The following TDRD3 variants were observed in gnomAD, a reference collection of about 807,000 sequenced individuals.
TDRD3 encodes the protein tudor domain-containing protein 3.
A neutral mutation model predicts 86.7 loss-of-function variants in TDRD3; 45 were observed. The observed-to-expected ratio is 0.52, with a 90% CI of 0.41 to 0.67. The LOEUF is 0.67. Among genes scored for constraint, TDRD3 ranks in the 30% least tolerant of loss-of-function variants. TDRD3 has a pLI of 0.00. For synonymous variants in TDRD3, 298 were observed against 301.7 expected, an observed-to-expected ratio of 0.99 and a Z score of 0.13; for missense variants, 814 against 889.0, an observed-to-expected ratio of 0.92 and a Z score of 1.07.
In TDRD3 at chr13:60,485,776, C is replaced by A. The variant is rs190031019; in HGVS notation, c.568-23C>A. 36 of 1,538,216 alleles carry A rather than the reference C, an allele frequency of 2.3e-5. No homozygotes were observed. In the African/African-American group the frequency reaches 4.9e-4, roughly 21 times the overall value. On this transcript the variant is annotated intron_variant, in intron 6 of 13. Coordinates refer to ENST00000377881, the MANE Select transcript of TDRD3 (RefSeq NM_001146070.2). ...ATCTCTTTTGGAACTACTAAGTTGA[C>A]TTATTCTTACTTGTTTTACTAGAAG...
At chr13:60,538,993 T>C (rs1431516588) in intron 12 of TDRD3, among the ~76,000 whole-genome samples, 1 of 152,204 alleles carries the variant, frequency 6.6e-6, no homozygotes, top group African/African-American at 2.4e-5. Flanking sequence ...CTTCTTGGTA[T>C]CAGGAAATGA....
At chr13:60,406,516 T>A (rs1954238424) in intron 1 of TDRD3, among the ~76,000 whole-genome samples, 1 of 152,242 alleles carries the variant, frequency 6.6e-6, no homozygotes, top group Non-Finnish European at 1.5e-5. Context: ...GTGGACATTA[T>A]ATTTGTTGGA....
chr13:60,505,747 A>G lies in TDRD3; in HGVS notation c.859-4016A>G, dbSNP rs767702433. Among the ~76,000 whole-genome samples the G allele has an allele frequency of 2.0e-5, 3 of 152,358 alleles. No individual in the cohort carries two copies. The South Asian group carries it at 6.2e-4, about 32-fold the overall frequency. ...CTTTGTGAAGCATACACAAGTATCA[A>G]TAGCCGAATTGATAAAGTGGAAGAA... On this transcript the variant is annotated intron_variant, in intron 8 of 13. Coordinates refer to ENST00000377881, the MANE Select transcript of TDRD3 (RefSeq NM_001146070.2).
intron 12 of TDRD3, 127 bp from the exon 13 acceptor site, chr13:60,567,398 A>T: frequency 8.3e-7 from 1 of 1,199,224 alleles, no homozygotes; most frequent in Non-Finnish European, 1.2e-6. Context: ...CTGTTGTAAA[A>T]GTTGACATGT....
intron 2 of TDRD3, among the ~76,000 whole-genome samples, chr13:60,442,365 G>T (rs1276091474): frequency 7.2e-6 from 1 of 139,480 alleles, no homozygotes; most frequent in African/African-American, 2.5e-5. Context: ...AGTAAATAGG[G>T]ATTTTATGTG....
chr13:60,411,632 A>G (rs1954372078), intron 1 of TDRD3, among the ~76,000 whole-genome samples: 1 of 152,196 alleles, frequency 6.6e-6, no homozygotes, highest in African/African-American at 2.4e-5. Flanking sequence ...ACAACCCAAA[A>G]TAGTTAGACA....
At chr13:60,481,059 A>G (rs1956302392) in intron 5 of TDRD3, among the ~76,000 whole-genome samples, 1 of 152,132 alleles carries the variant, frequency 6.6e-6, no homozygotes, top group South Asian at 2.1e-4. Flanking sequence ...GGTCACAGGC[A>G]AACAAATTCT....
At chr13:60,544,588 G>A (rs1957895819) in intron 12 of TDRD3, among the ~76,000 whole-genome samples, 1 of 152,040 alleles carries the variant, frequency 6.6e-6, no homozygotes, top group African/African-American at 2.4e-5. Flanking sequence ...CATTTATATT[G>A]CTCTTTTATT....
chr13:60,437,511 A>G (rs1273963341), intron 1 of TDRD3, among the ~76,000 whole-genome samples: 4 of 151,862 alleles, frequency 2.6e-5, no homozygotes, highest in Non-Finnish European at 5.9e-5. Context: ...CTAAATTTGT[A>G]TTTTTGGGGC....
At chr13:60,422,501 A>T (rs1416503307) in intron 1 of TDRD3, among the ~76,000 whole-genome samples, 6 of 152,220 alleles carry the variant, frequency 3.9e-5, no homozygotes, top group African/African-American at 1.4e-4. Context: ...CAACAGAATT[A>T]AATTTACTCC....
intron 5 of TDRD3, among the ~76,000 whole-genome samples, chr13:60,483,239 G>A (rs1475548118): frequency 6.6e-6 from 1 of 151,930 alleles, no homozygotes; most frequent in Admixed American, 6.6e-5. Context: ...GAATTGTTTT[G>A]CAAAACAAAA....
chr13:60,528,074 A>G lies in TDRD3; in HGVS notation c.1142-293A>G, dbSNP rs567428023. 3.3e-5 allele frequency among the ~76,000 whole-genome samples: 5 copies of G among 152,316 alleles called. No homozygotes were observed. In the East Asian group the frequency reaches 7.7e-4, roughly 23 times the overall value. On this transcript the variant is annotated intron_variant, in intron 10 of 13. Transcript: ENST00000377881. ...TCATTAATGTTTTAGGAAATGATTT[A>G]CCAGAATAGCATATGTAGGTAGCTG...
intron 10 of TDRD3, among the ~76,000 whole-genome samples, chr13:60,519,948 T>C (rs1190338649): frequency 6.6e-6 from 1 of 152,216 alleles, no homozygotes; most frequent in East Asian, 1.9e-4. Context: ...AGTTGTATTG[T>C]TGGTGTGTGT....
chr13:60,455,045 C>T (rs1489112674), intron 3 of TDRD3, among the ~76,000 whole-genome samples: 2 of 152,066 alleles, frequency 1.3e-5, no homozygotes, highest in African/African-American at 4.8e-5. Context: ...TCCCAAGTAG[C>T]TGGGATTACA....
chr13:60,551,733 T>C (rs1958059176), intron 12 of TDRD3, among the ~76,000 whole-genome samples: 1 of 152,170 alleles, frequency 6.6e-6, no homozygotes, highest in Non-Finnish European at 1.5e-5. Flanking sequence ...AAGAAGAGGT[T>C]TAATTGACTC....
At chr13:60,427,773 A>G (rs974718229) in intron 1 of TDRD3, among the ~76,000 whole-genome samples, 1 of 152,238 alleles carries the variant, frequency 6.6e-6, no homozygotes, top group African/African-American at 2.4e-5. Context: ...GTTGAATAGA[A>G]AATGTCCTTC....
Position 60,447,273 on chromosome 13 carries a change from C to T in TDRD3, c.192+2525C>T, listed in dbSNP as rs191207052. Among the ~76,000 whole-genome samples the T allele has an allele frequency of 5.4e-3, 815 of 152,212 alleles. 10 individuals carry two copies. The highest frequency in any genetic ancestry group is 0.019 in the African/African-American group (786 of 41,544). ...GAGGGTGGAGAGGCATTAAATGATA[C>T]GGACCAGGAACAGATTAGAGACATC... On this transcript the variant is annotated intron_variant, in intron 3 of 13. Transcript: ENST00000377881.
In TDRD3 at chr13:60,547,472, T is replaced by TA. The variant is rs949891789; in HGVS notation, c.2118+12240dup. On this transcript the variant is annotated intron_variant, in intron 12 of 13. Transcript: ENST00000377881. The stretch of plus-strand genomic sequence containing the variant: ...GGGTTCGAGTCCTGGCTCTGCCACT[T>TA]ACTACCTATGTGACTTTGGGTAAGT... 4.3e-6 allele frequency: 4 copies of TA among 934,766 alleles called. No individual in the cohort carries two copies. The African/African-American group carries it at 7.1e-5, about 17-fold the overall frequency. 57.9% of individuals were successfully genotyped at this position (934,766 alleles called of 1,614,324 possible).
At chr13:60,567,720 A>ATTAGTGATT in intron 13 of TDRD3, 70 bp downstream of exon 13, 1 of 1,570,602 alleles carries the variant, frequency 6.4e-7, no homozygotes, top group Non-Finnish European at 8.7e-7. Context: ...TATAAGTCCA[A>ATTAGTGATT]TTAGTGATTT....
Sources: allele counts gnomAD v4.1 joint callset (sites outside exome capture counted in the v4.1 genomes callset), GRCh38; gene constraint gnomAD v4.1.1; transcripts MANE v1.5; gene names NCBI Gene and HGNC (gene_info 2026-07-23, HGNC 2026-07-21).